The following C14orf39 variants were observed in gnomAD, a reference collection of about 807,000 sequenced individuals.
The protein encoded by C14orf39 is chromosome 14 open reading frame 39, also known as protein SIX6OS1.
C14orf39 carries 66 observed loss-of-function variants against 85.6 expected under a neutral mutation model. The ratio of observed to expected loss-of-function variants is 0.77; its 90% CI spans 0.63 to 0.95. C14orf39 has a LOEUF of 0.95. Ranked by LOEUF, C14orf39 falls within the 40% of genes least tolerant of loss-of-function variation. The probability of loss-of-function intolerance (pLI) is 0.00; values close to 1 mark genes in which losing one functional copy is unlikely to be tolerated. For synonymous variants in C14orf39, 242 were observed against 214.0 expected (o/e 1.13, Z -1.14); for missense variants, 735 against 663.9 (o/e 1.11, Z -1.18).
At chr14:60,511,215 T>A (rs1893289285) in intron 1 of C14orf39, 4 of 1,613,124 alleles carry the variant, frequency 2.5e-6, no homozygotes, top group Non-Finnish European at 2.5e-6. Flanking sequence ...ACTTCAGCCA[T>A]CTCCATCACG....
In C14orf39 at chr14:60,471,403, A is replaced by G. The variant is rs1186470981; in HGVS notation, c.554+14T>C. 2.6e-6 allele frequency: 4 copies of G among 1,554,336 alleles called. No homozygotes were observed. In the South Asian group the frequency reaches 4.8e-5, roughly 19 times the overall value. On this transcript the variant is annotated intron_variant, in intron 7 of 17. Transcript: ENST00000321731. ...TCTAATAAAAATTATAAGTACAAAT[A>G]CTATTGTGGATACATGTTTAAAGTC...
chr14:60,506,660 G>C (rs1893207822), intron 1 of C14orf39, among the ~76,000 whole-genome samples: 1 of 152,152 alleles, frequency 6.6e-6, no homozygotes, highest in African/African-American at 2.4e-5. Context: ...TGGATCTCCT[G>C]ATAGTAGTCC....
chr14:60,449,354 T>C (rs181262867), intron 16 of C14orf39, among the ~76,000 whole-genome samples: 2 of 152,298 alleles, frequency 1.3e-5, no homozygotes, highest in Admixed American at 6.5e-5. Flanking sequence ...ATTTAATGCA[T>C]CTGTAACTTC....
chr14:60,486,544 A>G (rs796282397), upstream of C14orf39, among the ~76,000 whole-genome samples: 3 of 152,330 alleles, frequency 2.0e-5, no homozygotes, highest in African/African-American at 7.2e-5. Flanking sequence ...TCAGTTTCAA[A>G]TAAAGTACAT....
Position 60,465,997 on chromosome 14 carries a change from T to C in C14orf39, c.954A>G (p.Gln318=), listed in dbSNP as rs1891769608. 1.3e-6 allele frequency: 2 copies of C among 1,559,606 alleles called. No individual in the cohort carries two copies. The highest frequency in any genetic ancestry group is 1.4e-5 in the African/African-American group (1 of 72,018). The change falls in exon 11 of 18, where the codon CAA becomes CAG. Residue 318 remains glutamine, a synonymous_variant. Coordinates refer to ENST00000321731, the MANE Select transcript of C14orf39 (RefSeq NM_174978.3). ...QSKLANIDFR[Q]KENDTQIFND... ...CACCTACCTGTGTATCATTTTCTTTTTGTCTAAAGTCAATATTGGCAAGCT... is the reference window on the plus strand; with the variant it reads ...CACCTACCTGTGTATCATTTTCTTTCTGTCTAAAGTCAATATTGGCAAGCT...
At chr14:60,458,919 A>G (rs1294118982) in intron 13 of C14orf39, among the ~76,000 whole-genome samples, 180 bp from the exon 14 acceptor site, 1 of 151,792 alleles carries the variant, frequency 6.6e-6, no homozygotes, top group Non-Finnish European at 1.5e-5. Context: ...ACAGTTTAAC[A>G]AACAAAATTA....
chr14:60,445,127 A>G (rs1169109191), intron 16 of C14orf39, among the ~76,000 whole-genome samples: 1 of 152,234 alleles, frequency 6.6e-6, no homozygotes, highest in African/African-American at 2.4e-5. Context: ...CCAAATTGTA[A>G]AGACCATTGA....
At chr14:60,443,681 T>G (rs541257295) in intron 16 of C14orf39, among the ~76,000 whole-genome samples, 1 of 152,226 alleles carries the variant, frequency 6.6e-6, no homozygotes, top group Non-Finnish European at 1.5e-5. Flanking sequence ...GTTCTCCCAG[T>G]ATGGCATTCA....
At chr14:60,486,525 C>T (rs1049008934), upstream of C14orf39, among the ~76,000 whole-genome samples, 1 of 152,182 alleles carries the variant, frequency 6.6e-6, no homozygotes, top group Non-Finnish European at 1.5e-5. Flanking sequence ...TTGAGACTGA[C>T]TCATTTGCTC....
intron 2 of C14orf39, chr14:60,496,320 C>G (rs898200498): frequency 5.5e-6 from 2 of 363,316 alleles, no homozygotes; most frequent in African/African-American, 2.1e-5. Context: ...ATTCATCATA[C>G]CTTGTTGCCC....
intron 1 of C14orf39, among the ~76,000 whole-genome samples, chr14:60,485,615 G>A (rs1202865525): frequency 6.6e-6 from 1 of 152,168 alleles, no homozygotes; most frequent in Non-Finnish European, 1.5e-5. Flanking sequence ...TTCGCATTAC[G>A]GCATACGCCT....
intron 2 of C14orf39, chr14:60,496,696 G>A (rs906029209): frequency 2.6e-5 from 4 of 152,592 alleles, no homozygotes; most frequent in African/African-American, 9.7e-5. Context: ...CAGTGAAGCT[G>A]CTTTACCGTT....
At position 60,484,917 on chromosome 14, in the gene C14orf39, T is replaced by G; in HGVS notation, c.70A>C (p.Ile24Leu). 1 of 1,571,368 alleles carries G rather than the reference T, an allele frequency of 6.4e-7. No individual in the cohort carries two copies. Among genetic ancestry groups the G allele is most frequent in the Non-Finnish European group, 8.7e-7 (1 of 1,154,948 alleles). The change falls in exon 3 of 18, where the codon ATA becomes CTA. Residue 24 changes from isoleucine (I) to leucine (L), a missense_variant. Ile to Leu is a conservative substitution (Grantham distance 5, BLOSUM62 2). Coordinates refer to ENST00000321731, the MANE Select transcript of C14orf39 (RefSeq NM_174978.3). This position sits in a 1 kb window ranked among gnomAD's most constrained non-coding sequence, Gnocchi z 4.2. ...TGAATCATCTCTTCTTTAGTACTTA[T>G]GTCTTGCTCATACTGGAAGACTAAA... ...LEFVFQYEQD[I>L]STKEEMIQRI...
intron 4 of C14orf39, among the ~76,000 whole-genome samples, chr14:60,482,922 A>G (rs1040207099): frequency 1.7e-5 from 2 of 119,706 alleles, no homozygotes; most frequent in East Asian, 4.5e-4. Flanking sequence ...TGTGCATAAT[A>G]ATGATGTTGA....
At chr14:60,475,128 G>A (rs1349171804) in intron 5 of C14orf39, among the ~76,000 whole-genome samples, 3 of 152,082 alleles carry the variant, frequency 2.0e-5, no homozygotes, top group African/African-American at 7.2e-5. Flanking sequence ...TTTAGTCTTG[G>A]GAGAGTGTAT....
chr14:60,450,295 A>G (rs1254333), intron 16 of C14orf39, among the ~76,000 whole-genome samples: 58,357 of 151,928 alleles, frequency 0.38, 12,569 homozygotes, highest in East Asian at 0.69. Context: ...GGAGCCCACT[A>G]CCCTGAAGGG....
intron 16 of C14orf39, among the ~76,000 whole-genome samples, chr14:60,451,003 G>A (rs745814990): frequency 1.3e-5 from 2 of 152,152 alleles, no homozygotes; most frequent in Admixed American, 6.6e-5. Flanking sequence ...GGCACTACAA[G>A]CCCAGACTGT....
chr14:60,453,100 A>T (rs984745322), intron 16 of C14orf39, among the ~76,000 whole-genome samples: 1 of 152,132 alleles, frequency 6.6e-6, no homozygotes, highest in African/African-American at 2.4e-5. Flanking sequence ...TTCAGATCTT[A>T]TTAAAGATCT....
chr14:60,503,017 CT>C (rs1384141549), intron 1 of C14orf39, among the ~76,000 whole-genome samples: 11 of 152,328 alleles, frequency 7.2e-5, no homozygotes, highest in African/African-American at 2.6e-4. Flanking sequence ...TATAGAAATG[CT>C]TGTGAGCATC....
Sources: allele counts gnomAD v4.1 joint callset (sites outside exome capture counted in the v4.1 genomes callset), GRCh38; gene constraint gnomAD v4.1.1; non-coding constraint Gnocchi (gnomAD v3.1); transcripts MANE v1.5; gene names NCBI Gene and HGNC (gene_info 2026-07-23, HGNC 2026-07-21).